The following RASSF8 variants were observed in gnomAD, a reference collection of about 807,000 sequenced individuals.
The protein encoded by RASSF8 is Ras association domain family member 8.
In RASSF8, 22 loss-of-function variants were observed where a neutral mutation model predicts 48.5. The observed-to-expected ratio is 0.45, with a 90% CI of 0.32 to 0.65. RASSF8 has a LOEUF of 0.65. RASSF8 is among the 30% of genes least tolerant of loss of function. The pLI is 0.03. For missense variants in RASSF8, 418 were observed against 489.2 expected (o/e 0.85, Z 1.37); for synonymous variants, 127 against 171.5 (o/e 0.74, Z 2.03).
chr12:26,067,658 C>A lies in RASSF8; in HGVS notation c.1083C>A (p.Thr361=), dbSNP rs34873759. 6.2e-7 allele frequency: 1 copy of A among 1,613,990 alleles called. No homozygotes were observed. The highest frequency in any genetic ancestry group is 1.3e-5 in the African/African-American group (1 of 74,908). ...QFIQQTGTKV[T]VLPAEPIEIE... Reference sequence around the variant, plus strand: ...TCCAGCAGACAGGGACAAAAGTTACCGTTTTGCCAGCGGAGCCCATTGAAA... The same window carrying A: ...TCCAGCAGACAGGGACAAAAGTTACAGTTTTGCCAGCGGAGCCCATTGAAA... The change falls in exon 5 of 6, where the codon ACC becomes ACA. Residue 361 remains threonine (T), a synonymous_variant. Coordinates refer to ENST00000689635, the MANE Select transcript of RASSF8 (RefSeq NM_001394098.1).
At chr12:25,970,993 A>G (rs1472234824) in intron 1 of RASSF8, among the ~76,000 whole-genome samples, 2 of 152,132 alleles carry the variant, frequency 1.3e-5, no homozygotes, top group East Asian at 1.9e-4. Context: ...CTTCTATATC[A>G]TATGCATACA....
chr12:26,027,502 A>G (rs61914243), intron 2 of RASSF8, among the ~76,000 whole-genome samples: 7,149 of 152,282 alleles, frequency 0.047, 239 homozygotes, highest in East Asian at 0.12. Flanking sequence ...ATGAATGGGT[A>G]TTTATCTGGT....
chr12:26,078,945 G>A, intron 5 of RASSF8: 1 of 1,259,294 alleles, frequency 7.9e-7, no homozygotes, highest in South Asian at 1.9e-5. Context: ...ACTAAAGCTA[G>A]TAATTGAGAT....
chr12:26,071,768 CAA>C lies in RASSF8; in HGVS notation c.*2951_*2952del. ...TCCTATAGTTCAAATTAGTCATAAA[CAA>C]GAGCTACAGCAAGACTGATAGAGTA... On this transcript the variant is annotated 3_prime_UTR_variant, in exon 6 of 6. Coordinates refer to ENST00000689635, the MANE Select transcript of RASSF8 (RefSeq NM_001394098.1). 2.0e-6 allele frequency: 2 copies of C among 983,058 alleles called. No homozygotes were observed. Among genetic ancestry groups the C allele is most frequent in the Non-Finnish European group, 2.4e-6 (2 of 828,052 alleles). 60.9% of individuals were successfully genotyped at this position (983,058 alleles called of 1,614,324 possible). A position where few individuals can be genotyped will look rare whatever the true frequency, so the allele number is the denominator to read the frequency against.
At chr12:25,997,554 C>A (rs11832469) in intron 2 of RASSF8, among the ~76,000 whole-genome samples, 23 of 151,980 alleles carry the variant, frequency 1.5e-4, no homozygotes, top group Non-Finnish European at 7.4e-5. Context: ...CCTGTTTTTA[C>A]GGGTTTACAT....
At chr12:26,031,908 A>G (rs1565628038) in intron 2 of RASSF8, among the ~76,000 whole-genome samples, 1 of 152,186 alleles carries the variant, frequency 6.6e-6, no homozygotes, top group African/African-American at 2.4e-5. Flanking sequence ...GCTTATAAAT[A>G]TGTTTCAAAA....
At position 26,071,563 on chromosome 12, in the gene RASSF8, G is replaced by A; in HGVS notation, c.*2745G>A. On this transcript the variant is annotated 3_prime_UTR_variant, in exon 6 of 6. Transcript: ENST00000689635. ...TCATCCTCAGAGAATGGCCCATAGT[G>A]TGTTGCCTGTGGACATAGTGTCCAT... 1.0e-6 allele frequency: 1 copy of A among 981,632 alleles called. No individual in the cohort carries two copies. The highest frequency in any genetic ancestry group is 4.7e-5 in the South Asian group (1 of 21,214). The allele number at this position is 981,632 out of a possible 1,614,324, so 60.8% of individuals were successfully genotyped here. A position where few individuals can be genotyped will look rare whatever the true frequency, so the allele number is the denominator to read the frequency against.
At chr12:25,971,227 T>TG (rs145755710) in intron 1 of RASSF8, among the ~76,000 whole-genome samples, 2,782 of 152,342 alleles carry the variant, frequency 0.018, 99 homozygotes, top group African/African-American at 0.064. Context: ...TTTTCTAAAA[T>TG]GGAGCAGCTT....
At chr12:25,959,177 G>A (rs988594948) in intron 1 of RASSF8, 29 bp downstream of exon 1, 1 of 152,146 alleles carries the variant, frequency 6.6e-6, no homozygotes, top group Non-Finnish European at 1.5e-5. Flanking sequence ...TAGCGGCGGC[G>A]ATCCGGGCTG....
chr12:25,971,834 G>A (rs1235764526), intron 1 of RASSF8, among the ~76,000 whole-genome samples: 2 of 152,202 alleles, frequency 1.3e-5, no homozygotes, highest in African/African-American at 4.8e-5. Flanking sequence ...TCAGAGTTTG[G>A]CTCTGGAACT....
intron 1 of RASSF8, among the ~76,000 whole-genome samples, chr12:25,970,097 CTTT>C (rs1035793774): frequency 1.4e-5 from 2 of 142,850 alleles, no homozygotes; most frequent in African/African-American, 2.6e-5. Flanking sequence ...TACGACCCCA[CTTT>C]TTTTTTTTTT....
intron 1 of RASSF8, among the ~76,000 whole-genome samples, chr12:25,986,926 T>TTTTTGTTTG (rs1555160453): frequency 2.0e-5 from 3 of 146,608 alleles, no homozygotes; most frequent in Admixed American, 1.4e-4. Flanking sequence ...CGTTTTTTTT[T>TTTTTGTTTG]TTTGTTTGTT....
chr12:26,023,550 C>T (rs1308520559), intron 2 of RASSF8, among the ~76,000 whole-genome samples: 2 of 151,968 alleles, frequency 1.3e-5, no homozygotes, highest in Non-Finnish European at 2.9e-5. Context: ...TCCAGATCAA[C>T]TGAACTTGAG....
At chr12:26,058,533 C>G (rs1253895197) in intron 3 of RASSF8, among the ~76,000 whole-genome samples, 2 of 58,958 alleles carry the variant, frequency 3.4e-5, no homozygotes, top group Non-Finnish European at 7.6e-5. Context: ...TGCGCACGCG[C>G]GCGCGCACAC....
At chr12:26,012,288 C>T (rs76863383) in intron 2 of RASSF8, among the ~76,000 whole-genome samples, 124 of 152,216 alleles carry the variant, frequency 8.1e-4, no homozygotes, top group African/African-American at 2.6e-3. Flanking sequence ...GAACATCTCC[C>T]GGCATATATA....
chr12:25,959,838 T>C (rs768528298), intron 1 of RASSF8: 1 of 152,192 alleles, frequency 6.6e-6, no homozygotes, highest in Non-Finnish European at 1.5e-5. Flanking sequence ...CGTTGTTATT[T>C]TAGCATCATA....
chr12:26,059,075 C>CT (rs1321598908), intron 3 of RASSF8, among the ~76,000 whole-genome samples: 6 of 152,198 alleles, frequency 3.9e-5, no homozygotes, highest in African/African-American at 1.4e-4. Flanking sequence ...CTTCTCAAAT[C>CT]TAAGTGAAAC....
intron 5 of RASSF8, among the ~76,000 whole-genome samples, chr12:26,068,452 CA>C (rs1245112816): frequency 6.6e-6 from 1 of 151,714 alleles, no homozygotes; most frequent in Non-Finnish European, 1.5e-5. Context: ...TGTGAACAAC[CA>C]AAAAAAGAAG....
intron 2 of RASSF8, among the ~76,000 whole-genome samples, chr12:26,024,393 A>G (rs1055303164): frequency 1.3e-5 from 2 of 152,220 alleles, no homozygotes; most frequent in African/African-American, 4.8e-5. Flanking sequence ...TCTGCCAAAC[A>G]TTTTAGCAAG....
Sources: allele counts gnomAD v4.1 joint callset (sites outside exome capture counted in the v4.1 genomes callset), GRCh38; gene constraint gnomAD v4.1.1; transcripts MANE v1.5; gene names NCBI Gene and HGNC (gene_info 2026-07-23, HGNC 2026-07-21).